The following BICDL1 variants were observed in gnomAD, a reference collection of about 807,000 sequenced individuals.
BICDL1 encodes BICD family like cargo adaptor 1.
Under a neutral mutation model 76.8 loss-of-function variants are expected in BICDL1, and 20 were observed. That is an observed-to-expected ratio of 0.26 (90% confidence interval 0.18 to 0.38). The LOEUF (loss-of-function observed/expected upper bound fraction) is 0.38, where lower values mean the gene tolerates loss of function less well. Ranked by LOEUF, BICDL1 falls within the 10% of genes least tolerant of loss-of-function variation. The pLI, the probability that BICDL1 is intolerant of heterozygous loss-of-function variation, is 1.00. For missense variants in BICDL1, 700 were observed against 798.6 expected (o/e 0.88, Z 1.49); for synonymous variants, 383 against 337.1 (o/e 1.14, Z -1.49).
rs190432597 is a variant in BICDL1 at position 120,020,790 on chromosome 12, T to C, written c.645+22054T>C. 5.3e-5 allele frequency among the ~76,000 whole-genome samples: 8 copies of C among 152,322 alleles called. No homozygotes were observed. In the East Asian group the frequency reaches 1.5e-3, roughly 29 times the overall value. On this transcript the variant is annotated intron_variant, in intron 2 of 9. Coordinates refer to ENST00000548673, the MANE Select transcript of BICDL1 (RefSeq NM_001367886.1). ...GCTTTACAATGGGAGGGGTTTACTT[T>C]AACAAGTGCTCCATCTTGGCATCAT...
chr12:120,053,742 CA>C (rs893145986), intron 2 of BICDL1, among the ~76,000 whole-genome samples: 2 of 152,150 alleles, frequency 1.3e-5, no homozygotes, highest in African/African-American at 4.8e-5. Flanking sequence ...ATTTGGAAAG[CA>C]AGATTTGAGT....
chr12:120,054,764 C>G (rs146259276), intron 2 of BICDL1, among the ~76,000 whole-genome samples: 2,174 of 152,152 alleles, frequency 0.014, 55 homozygotes, highest in African/African-American at 0.05. Context: ...CCTGTGGTCC[C>G]AGCTACTCAG....
At chr12:120,092,437 G>A in intron 9 of BICDL1, 3 of 985,468 alleles carry the variant, frequency 3.0e-6, no homozygotes, top group Non-Finnish European at 3.6e-6. Flanking sequence ...GCAGGGTCTA[G>A]GGCAGCACCC....
Position 120,064,268 on chromosome 12 carries a change from G to A in BICDL1, c.763-465G>A, listed in dbSNP as rs140177090. Among the ~76,000 whole-genome samples, 9 of 152,236 alleles carry A rather than the reference G, an allele frequency of 5.9e-5. No homozygotes were observed. In the East Asian group the frequency reaches 1.2e-3, roughly 20 times the overall value. On this transcript the variant is annotated intron_variant, in intron 3 of 9. Transcript: ENST00000548673. ...GGGCCAGGAGCGGGGAAAGGAAGAC[G>A]GAGGGGAATCCCGGGGTGTGAAAAC...
At chr12:120,077,880 TC>T (rs1213368218) in intron 7 of BICDL1, among the ~76,000 whole-genome samples, 1 of 150,718 alleles carries the variant, frequency 6.6e-6, no homozygotes, top group Admixed American at 6.6e-5. Context: ...CTGGGTGGGT[TC>T]CCATTATCAA....
chr12:120,060,291 A>G (rs1396374360), intron 2 of BICDL1, among the ~76,000 whole-genome samples: 1 of 152,230 alleles, frequency 6.6e-6, no homozygotes, highest in Non-Finnish European at 1.5e-5. Flanking sequence ...GAGAAATAAT[A>G]TAGGGAAAAT....
chr12:120,080,782 C>A (rs1488207496), intron 7 of BICDL1, 105 bp from the exon 8 acceptor site: 5 of 1,296,768 alleles, frequency 3.9e-6, no homozygotes, highest in Non-Finnish European at 5.3e-6. Context: ...TGCACCCCCA[C>A]ACATGTACCC....
At chr12:120,080,771 T>C (rs1452993141) in intron 7 of BICDL1, 116 bp from the exon 8 acceptor site, 1 of 1,108,320 alleles carries the variant, frequency 9.0e-7, no homozygotes, top group Non-Finnish European at 1.3e-6. Flanking sequence ...TGCTACCAGC[T>C]TGCACCCCCA....
At chr12:120,024,391 A>G (rs1400070034) in intron 2 of BICDL1, among the ~76,000 whole-genome samples, 2 of 152,270 alleles carry the variant, frequency 1.3e-5, no homozygotes, top group African/African-American at 4.8e-5. Context: ...ATTAGACATT[A>G]CAAGAGAAAA....
chr12:120,089,274 G>T (rs1874726313), intron 8 of BICDL1, among the ~76,000 whole-genome samples: 1 of 116,944 alleles, frequency 8.6e-6, no homozygotes, highest in South Asian at 2.4e-4. Flanking sequence ...TTTTCAACGT[G>T]TGTGTGTGTG....
Position 120,071,035 on chromosome 12 carries a change from G to A in BICDL1, c.910-587G>A, listed in dbSNP as rs1012118862. Among the ~76,000 whole-genome samples the A allele has an allele frequency of 1.3e-5, 2 of 151,012 alleles. No individual in the cohort carries two copies. The highest frequency in any genetic ancestry group is 4.9e-5 in the African/African-American group (2 of 41,026). On this transcript the variant is annotated intron_variant, in intron 4 of 9. Transcript: ENST00000548673. This position sits in a 1 kb window ranked among gnomAD's most constrained non-coding sequence, Gnocchi z 4.8. ...GTGAGCCACCACGCCCGGCCTGGTT[G>A]GTATAACTCAAGTCTTTTTTTATTT...
chr12:119,996,846 TAGAGTCCTTGA>T (rs1338283980), intron 1 of BICDL1, among the ~76,000 whole-genome samples: 1 of 152,220 alleles, frequency 6.6e-6, no homozygotes, highest in Non-Finnish European at 1.5e-5. Context: ...TTAGATTTCC[TAGAGTCCTTGA>T]AGTATAGTTT....
intron 2 of BICDL1, among the ~76,000 whole-genome samples, chr12:120,053,417 GAGAAGAGCCCTTTTCC>G (rs1458969657): frequency 3.9e-5 from 6 of 152,162 alleles, no homozygotes; most frequent in Non-Finnish European, 8.8e-5. Context: ...TCCTGTAAGG[GAGAAGAGCCCTTTTCC>G]CCGTTTGTTG....
rs1594198727 is a variant in BICDL1 at position 120,071,847 on chromosome 12, C to T, written c.1089+46C>T. 1 of 1,514,752 alleles carries T rather than the reference C, an allele frequency of 6.6e-7. No individual in the cohort carries two copies. The highest frequency in any genetic ancestry group is 8.8e-7 in the Non-Finnish European group (1 of 1,131,612). The allele number at this position is 1,514,752 out of a possible 1,614,324, so 93.8% of individuals were successfully genotyped here. A position where few individuals can be genotyped will look rare whatever the true frequency, so the allele number is the denominator to read the frequency against. Reference sequence around the variant, plus strand: ...CCACAGGCGAGGCTACCTGGGGTTGCTTAGGTCTCATCCTCCTCCCTAGTG... The same window carrying T: ...CCACAGGCGAGGCTACCTGGGGTTGTTTAGGTCTCATCCTCCTCCCTAGTG... On this transcript the variant is annotated intron_variant, in intron 5 of 9. Transcript: ENST00000548673. This position sits in a 1 kb window ranked among gnomAD's most constrained non-coding sequence, Gnocchi z 4.8.
At chr12:119,998,962 T>G (rs2138611452) in intron 2 of BICDL1, among the ~76,000 whole-genome samples, 1 of 139,418 alleles carries the variant, frequency 7.2e-6, no homozygotes, top group South Asian at 2.3e-4. Context: ...GAGGCTGAGG[T>G]GGGGGGATCG....
intron 2 of BICDL1, among the ~76,000 whole-genome samples, chr12:120,041,699 T>C (rs1174844219): frequency 6.6e-6 from 1 of 151,778 alleles, no homozygotes; most frequent in African/African-American, 2.4e-5. Context: ...CCGAGTGGAG[T>C]GCAGGAACAG....
At chr12:120,046,658 A>T (rs1952755648) in intron 2 of BICDL1, among the ~76,000 whole-genome samples, 1 of 152,156 alleles carries the variant, frequency 6.6e-6, no homozygotes. Flanking sequence ...TGTCTTATTT[A>T]TCTCTGTATC....
chr12:120,002,026 T>C (rs1951769273), intron 2 of BICDL1, among the ~76,000 whole-genome samples: 1 of 152,176 alleles, frequency 6.6e-6, no homozygotes, highest in Non-Finnish European at 1.5e-5. Flanking sequence ...AGTGAGACTT[T>C]GTCTCTTAAA....
chr12:120,015,712 G>A (rs563668815), intron 2 of BICDL1, among the ~76,000 whole-genome samples: 10 of 152,124 alleles, frequency 6.6e-5, no homozygotes, highest in Non-Finnish European at 1.3e-4. Context: ...CAAATGTATA[G>A]CAAACTTGAC....
Sources: allele counts gnomAD v4.1 joint callset (sites outside exome capture counted in the v4.1 genomes callset), GRCh38; gene constraint gnomAD v4.1.1; non-coding constraint Gnocchi (gnomAD v3.1); transcripts MANE v1.5; gene names NCBI Gene and HGNC (gene_info 2026-07-23, HGNC 2026-07-21).